FBXL7: variants seen among roughly 807,000 people sequenced by gnomAD.
The protein encoded by FBXL7 is F-box and leucine rich repeat protein 7, also known as F-box/LRR-repeat protein 7.
FBXL7 carries 12 observed loss-of-function variants against 38.3 expected under a neutral mutation model. The observed-to-expected ratio is 0.31, with a 90% CI of 0.20 to 0.51. The LOEUF (loss-of-function observed/expected upper bound fraction) is 0.51. FBXL7 is among the 20% of genes least tolerant of loss of function. The probability of loss-of-function intolerance (pLI) is 0.98; values close to 1 mark genes in which losing one functional copy is unlikely to be tolerated. For missense variants in FBXL7, 567 were observed against 676.4 expected (o/e 0.84, Z 1.79); for synonymous variants, 297 against 300.9 (o/e 0.99, Z 0.13).
rs1006676811 is a variant in FBXL7 at position 15,746,550 on chromosome 5, G to C, written c.127+130478G>C. 1.1e-4 allele frequency among the ~76,000 whole-genome samples: 17 copies of C among 152,010 alleles called. 1 individual carries two copies. The highest frequency in any genetic ancestry group is 3.2e-3 in the Middle Eastern group (1 of 316). ...TGTGTCCTCACATGGCAGGAGTGAG[G>C]GATTTCTCTGTGGTCGCTAATCTCA... is the stretch of plus-strand genomic sequence containing the variant. On this transcript the variant is annotated intron_variant, in intron 2 of 3. Transcript: ENST00000504595.
chr5:15,707,272 G>A (rs1163152217), intron 2 of FBXL7, among the ~76,000 whole-genome samples: 8 of 145,414 alleles, frequency 5.5e-5, no homozygotes, highest in Non-Finnish European at 1.2e-4. Flanking sequence ...ACAGCCCTGA[G>A]GGCTGCTGGT....
At chr5:15,571,015 C>T (rs1469541337) in intron 1 of FBXL7, among the ~76,000 whole-genome samples, 4 of 150,704 alleles carry the variant, frequency 2.7e-5, no homozygotes, top group African/African-American at 9.8e-5. Flanking sequence ...TTGTTTGAAC[C>T]TGGGAGGCAG....
chr5:15,753,630 T>C (rs1279295460), intron 2 of FBXL7, among the ~76,000 whole-genome samples: 1 of 152,218 alleles, frequency 6.6e-6, no homozygotes, highest in Non-Finnish European at 1.5e-5. Context: ...AACTTTAGTA[T>C]AAATTCATTA....
intron 1 of FBXL7, among the ~76,000 whole-genome samples, chr5:15,518,376 T>C (rs531005879): frequency 6.6e-6 from 1 of 152,196 alleles, no homozygotes; most frequent in Non-Finnish European, 1.5e-5. Context: ...TTATTTTTAT[T>C]ATTTCCTCGG....
At chr5:15,528,466 TCA>T (rs559969998) in intron 1 of FBXL7, among the ~76,000 whole-genome samples, 4 of 152,320 alleles carry the variant, frequency 2.6e-5, no homozygotes, top group Non-Finnish European at 5.9e-5. Flanking sequence ...GTTAATGGAC[TCA>T]CACAGTTCCA....
intron 2 of FBXL7, among the ~76,000 whole-genome samples, chr5:15,832,511 C>G (rs1377609964): frequency 1.3e-5 from 2 of 152,190 alleles, no homozygotes; most frequent in African/African-American, 4.8e-5. Context: ...GATTTCATCT[C>G]AGGTTCAACT....
intron 2 of FBXL7, among the ~76,000 whole-genome samples, chr5:15,850,548 T>C (rs896184202): frequency 6.6e-6 from 1 of 152,208 alleles, no homozygotes; most frequent in Non-Finnish European, 1.5e-5. Context: ...TTTTAAAATT[T>C]AGATGTTTGT....
intron 2 of FBXL7, among the ~76,000 whole-genome samples, chr5:15,666,026 A>G (rs1742263184): frequency 6.6e-6 from 1 of 152,146 alleles, no homozygotes; most frequent in South Asian, 2.1e-4. Flanking sequence ...CTGTCACTCA[A>G]CAGAGTTGCT....
chr5:15,900,735 G>A (rs190505342), intron 2 of FBXL7, among the ~76,000 whole-genome samples: 8 of 152,290 alleles, frequency 5.3e-5, no homozygotes, highest in Admixed American at 1.3e-4. Context: ...AGTATGGACT[G>A]TCTGAAATGT....
chr5:15,763,534 G>GT (rs1426578838), intron 2 of FBXL7, among the ~76,000 whole-genome samples: 2 of 152,100 alleles, frequency 1.3e-5, no homozygotes, highest in African/African-American at 4.8e-5. Flanking sequence ...ATAATTTGTG[G>GT]TAAGTCCCAT....
intron 2 of FBXL7, among the ~76,000 whole-genome samples, chr5:15,691,757 A>G (rs1445967866): frequency 6.6e-6 from 1 of 152,182 alleles, no homozygotes; most frequent in Non-Finnish European, 1.5e-5. Flanking sequence ...AATTCTCTTT[A>G]GCCTGACTCA....
intron 1 of FBXL7, among the ~76,000 whole-genome samples, chr5:15,585,793 T>C (rs1483218578): frequency 6.6e-6 from 1 of 152,222 alleles, no homozygotes; most frequent in African/African-American, 2.4e-5. Flanking sequence ...TTCAGACCCA[T>C]TGGTATGCAT....
intron 2 of FBXL7, among the ~76,000 whole-genome samples, chr5:15,687,270 A>G (rs1392177151): frequency 6.6e-6 from 1 of 152,272 alleles, no homozygotes; most frequent in Non-Finnish European, 1.5e-5. Flanking sequence ...AGCCCTGAGA[A>G]TAACTACTGC....
intron 2 of FBXL7, among the ~76,000 whole-genome samples, chr5:15,626,286 A>T (rs192394736): frequency 9.2e-5 from 14 of 152,286 alleles, no homozygotes; most frequent in Admixed American, 9.2e-4. Flanking sequence ...ACATCTGGTG[A>T]TTTGAGCATG....
chr5:15,801,678 T>TG (rs1737572979), intron 2 of FBXL7, among the ~76,000 whole-genome samples: 2 of 149,054 alleles, frequency 1.3e-5, no homozygotes, highest in African/African-American at 2.5e-5. Flanking sequence ...TGTGTGTGTG[T>TG]TTGTGTGTGT....
chr5:15,843,348 T>G (rs1397237221), intron 2 of FBXL7, among the ~76,000 whole-genome samples: 1 of 152,224 alleles, frequency 6.6e-6, no homozygotes, highest in Non-Finnish European at 1.5e-5. Context: ...GCGTGTAGTC[T>G]TTCTGGCTTT....
intron 2 of FBXL7, among the ~76,000 whole-genome samples, chr5:15,865,276 C>G (rs1218443249): frequency 2.6e-5 from 4 of 152,056 alleles, no homozygotes; most frequent in African/African-American, 9.7e-5. Context: ...AAGGGCTGTT[C>G]CCAAAGGAAA....
At chr5:15,912,696 A>C (rs925744341) in intron 2 of FBXL7, among the ~76,000 whole-genome samples, 5 of 152,290 alleles carry the variant, frequency 3.3e-5, no homozygotes, top group South Asian at 2.1e-4. Context: ...CTGAAAACTA[A>C]GATGATCACT....
intron 2 of FBXL7, among the ~76,000 whole-genome samples, chr5:15,646,019 G>A (rs975156140): frequency 1.3e-5 from 2 of 152,194 alleles, no homozygotes; most frequent in African/African-American, 4.8e-5. Flanking sequence ...TAGAGTTGGA[G>A]GAGGGGACTA....
Sources: gnomAD v4.1 joint callset for allele counts (sites outside exome capture counted in the v4.1 genomes callset) on GRCh38, gnomAD v4.1.1 for gene constraint, MANE v1.5 for transcripts, NCBI Gene and HGNC (gene_info 2026-07-23, HGNC 2026-07-21) for gene names.